The following WWC1 variants were observed in gnomAD, a reference collection of about 807,000 sequenced individuals.
The protein encoded by WWC1 is protein KIBRA.
A neutral mutation model predicts 138.4 loss-of-function variants in WWC1; 55 were observed. The ratio of observed to expected loss-of-function variants is 0.40; its 90% confidence interval spans 0.32 to 0.50. The LOEUF (loss-of-function observed/expected upper bound fraction) is 0.50, where lower values mean the gene tolerates loss of function less well. Among genes scored for constraint, WWC1 ranks in the 20% least tolerant of loss-of-function variants. The pLI, the probability that WWC1 is intolerant of heterozygous loss-of-function variation, is 0.72. For synonymous variants in WWC1, 524 were observed against 564.9 expected, an observed-to-expected ratio of 0.93 and a Z score of 1.03; for missense variants, 1,226 against 1,420.4, an observed-to-expected ratio of 0.86 and a Z score of 2.20.
intron 3 of WWC1, among the ~76,000 whole-genome samples, chr5:168,386,164 C>T (rs1315298576): frequency 6.6e-6 from 1 of 152,146 alleles, no homozygotes; most frequent in Non-Finnish European, 1.5e-5. Flanking sequence ...CTCTGAGAGG[C>T]CTGCTCGGAC....
At chr5:168,316,073 C>T (rs752069622) in intron 1 of WWC1, among the ~76,000 whole-genome samples, 5 of 152,212 alleles carry the variant, frequency 3.3e-5, no homozygotes, top group Non-Finnish European at 5.9e-5. Context: ...CCCCTCTTTT[C>T]AGGCAGGAGA....
chr5:168,411,100 G>A (rs942728604), intron 8 of WWC1, among the ~76,000 whole-genome samples: 2 of 151,876 alleles, frequency 1.3e-5, no homozygotes, highest in African/African-American at 4.8e-5. Flanking sequence ...TAATTTTTTT[G>A]TATTTTTTAG....
chr5:168,383,116 G>A (rs1201265173), intron 2 of WWC1, among the ~76,000 whole-genome samples: 1 of 151,224 alleles, frequency 6.6e-6, no homozygotes, highest in Non-Finnish European at 1.5e-5. Context: ...GGCAGAGGTT[G>A]CAGTGAGCCA....
intron 2 of WWC1, among the ~76,000 whole-genome samples, chr5:168,372,053 T>G (rs62384070): frequency 2.1e-4 from 30 of 141,356 alleles, no homozygotes; most frequent in African/African-American, 2.4e-4. Context: ...AAGAGTGTGT[T>G]TGTGTGTGTG....
At chr5:168,334,259 T>C (rs1347021823) in intron 1 of WWC1, among the ~76,000 whole-genome samples, 2 of 151,542 alleles carry the variant, frequency 1.3e-5, no homozygotes, top group Non-Finnish European at 2.9e-5. Context: ...AAAACTCTTC[T>C]CTCCCTAACG....
chr5:168,454,392 GTAGTCT>G (rs1240666208), intron 18 of WWC1, among the ~76,000 whole-genome samples: 3 of 152,220 alleles, frequency 2.0e-5, no homozygotes, highest in Admixed American at 2.0e-4. Flanking sequence ...CCCTGGCTGT[GTAGTCT>G]TAGGCAGATG....
intron 1 of WWC1, among the ~76,000 whole-genome samples, chr5:168,352,697 C>T (rs1382249403): frequency 1.3e-5 from 2 of 151,854 alleles, no homozygotes; most frequent in African/African-American, 4.8e-5. Flanking sequence ...AATTCTCCTG[C>T]CTTAGCCTCC....
At chr5:168,450,035 G>C (rs1755658287) in intron 17 of WWC1, among the ~76,000 whole-genome samples, 1 of 152,172 alleles carries the variant, frequency 6.6e-6, no homozygotes, top group South Asian at 2.1e-4. Context: ...AATCCTCAGG[G>C]AGATTTTATG....
Position 168,450,119 on chromosome 5 carries a change from A to G in WWC1, c.2526-3849A>G, listed in dbSNP as rs146716458. On this transcript the variant is annotated intron_variant, in intron 17 of 22. Coordinates refer to ENST00000265293, the MANE Select transcript of WWC1 (RefSeq NM_015238.3). Reference sequence around the variant, plus strand: ...CTTTTGGCTAGGATTCTTTTGGCTCAGTATGATAACACTGTCTCATGCTGA... The same window carrying G: ...CTTTTGGCTAGGATTCTTTTGGCTCGGTATGATAACACTGTCTCATGCTGA... Among the ~76,000 whole-genome samples, 1,515 of 152,344 alleles carry G rather than the reference A, an allele frequency of 9.9e-3. 97 individuals are homozygous for G. The highest frequency in any genetic ancestry group is 0.092 in the Admixed American group (1,408 of 15,298).
intron 1 of WWC1, among the ~76,000 whole-genome samples, chr5:168,316,968 A>G (rs1349954184): frequency 6.6e-6 from 1 of 152,242 alleles, no homozygotes; most frequent in Non-Finnish European, 1.5e-5. Flanking sequence ...AAGATTTCAT[A>G]TTCAAAAAAG....
intron 1 of WWC1, among the ~76,000 whole-genome samples, chr5:168,306,793 C>T (rs1173187745): frequency 6.6e-6 from 1 of 152,058 alleles, no homozygotes; most frequent in Non-Finnish European, 1.5e-5. Context: ...GATGGGGTTT[C>T]GCCATGTTGG....
At chr5:168,373,547 G>T (rs1375024504) in intron 2 of WWC1, among the ~76,000 whole-genome samples, 1 of 151,956 alleles carries the variant, frequency 6.6e-6, no homozygotes, top group African/African-American at 2.4e-5. Flanking sequence ...ACTTGGACCA[G>T]TTCTGTGTGT....
At chr5:168,352,586 AT>A (rs554411549) in intron 1 of WWC1, among the ~76,000 whole-genome samples, 15,308 of 142,062 alleles carry the variant, frequency 0.11, 1,513 homozygotes, top group African/African-American at 0.27. Flanking sequence ...TATATATATA[AT>A]TTTTTTTTTT....
intron 3 of WWC1, among the ~76,000 whole-genome samples, chr5:168,387,413 A>G (rs903765820): frequency 1.3e-5 from 2 of 152,238 alleles, no homozygotes; most frequent in African/African-American, 4.8e-5. Context: ...CAGAGGTTAT[A>G]GAAAAGAACT....
At chr5:168,395,428 T>G (rs1487480156) in intron 3 of WWC1, among the ~76,000 whole-genome samples, 1 of 152,236 alleles carries the variant, frequency 6.6e-6, no homozygotes, top group African/African-American at 2.4e-5. Context: ...TGGTGTTAAC[T>G]GTCTTAATAT....
intron 7 of WWC1, 146 bp downstream of exon 7, chr5:168,408,799 C>G: frequency 8.9e-7 from 1 of 1,124,546 alleles, no homozygotes; most frequent in East Asian, 2.4e-5. Flanking sequence ...CCCTCTGGAG[C>G]TCTGTTCTCT....
At chr5:168,388,641 C>T (rs535311596) in intron 3 of WWC1, among the ~76,000 whole-genome samples, 45 of 152,094 alleles carry the variant, frequency 3.0e-4, no homozygotes, top group African/African-American at 1.0e-3. Context: ...ACCAGCCTGG[C>T]CAACATGGTA....
rs370727391 is a variant in WWC1, at chr5:168,324,393, G to A, written c.119+32122G>A. Among the ~76,000 whole-genome samples the A allele has an allele frequency of 5.3e-5, 8 of 151,984 alleles. No homozygotes were observed. In the East Asian group the frequency reaches 5.8e-4, roughly 11 times the overall value. ...GGTTGCAGTGAGTTGAGACTGTGCC[G>A]CTATACTCCAGCTTGGGTAACAGAG... On this transcript the variant is annotated intron_variant, in intron 1 of 22. Coordinates refer to ENST00000265293, the MANE Select transcript of WWC1 (RefSeq NM_015238.3).
chr5:168,357,493 T>C (rs3860784), intron 1 of WWC1, among the ~76,000 whole-genome samples: 70,942 of 119,516 alleles, frequency 0.59, 19,521 homozygotes, highest in South Asian at 0.67. Context: ...TGTGTGTGTG[T>C]GCGCGCGCGC....
Sources: gnomAD v4.1 joint callset for allele counts (sites outside exome capture counted in the v4.1 genomes callset) on GRCh38, gnomAD v4.1.1 for gene constraint, MANE v1.5 for transcripts, NCBI Gene and HGNC (gene_info 2026-07-23, HGNC 2026-07-21) for gene names.